The following ADCY2 variants were observed in gnomAD, a reference collection of about 807,000 sequenced individuals.
ADCY2 encodes the protein adenylate cyclase 2.
A neutral mutation model predicts 125.2 loss-of-function variants in ADCY2; 31 were observed. The ratio of observed to expected loss-of-function variants is 0.25; its 90% CI spans 0.19 to 0.33. The LOEUF (loss-of-function observed/expected upper bound fraction) is 0.33. Among genes scored for constraint, ADCY2 ranks in the 10% least tolerant of loss-of-function variants. ADCY2 has a pLI of 1.00. For synonymous variants in ADCY2, 512 were observed against 548.4 expected, an observed-to-expected ratio of 0.93 and a Z score of 0.93; for missense variants, 904 against 1,418.2, an observed-to-expected ratio of 0.64 and a Z score of 5.82.
At chr5:7,701,040 T>G (rs1484937227) in intron 7 of ADCY2, among the ~76,000 whole-genome samples, 1 of 152,212 alleles carries the variant, frequency 6.6e-6, no homozygotes, top group African/African-American at 2.4e-5. Context: ...TACTTTTAAT[T>G]CTATGGATCT....
intron 2 of ADCY2, among the ~76,000 whole-genome samples, chr5:7,475,468 G>A (rs1275894251): frequency 2.6e-5 from 4 of 151,746 alleles, no homozygotes; most frequent in South Asian, 2.1e-4. Context: ...TGCAACCTCC[G>A]TCCCCCGGGT....
intron 14 of ADCY2, among the ~76,000 whole-genome samples, chr5:7,739,583 T>G (rs1291858536): frequency 6.6e-6 from 1 of 151,648 alleles, no homozygotes; most frequent in African/African-American, 2.4e-5. Context: ...ATCAATAAAA[T>G]AGAAAACCAT....
chr5:7,780,467 G>A (rs111536934), intron 18 of ADCY2, among the ~76,000 whole-genome samples: 8 of 152,342 alleles, frequency 5.3e-5, no homozygotes, highest in African/African-American at 1.9e-4. Flanking sequence ...AGATAAAAGA[G>A]AGATTAGCTG....
In ADCY2 at chr5:7,396,827, C is replaced by T. The variant is rs1182377974; in HGVS notation, c.210+321C>T. ...CGCTGGCAAACTCTGCGCTTTCCGC[C>T]GGGCACCGCTGCCCGCAGCGCTGGA... On this transcript the variant is annotated intron_variant, in intron 1 of 24. Transcript: ENST00000338316. This position sits in a 1 kb window ranked among gnomAD's most constrained non-coding sequence, Gnocchi z 5.7. Among the ~76,000 whole-genome samples, 2 of 152,186 alleles carry T rather than the reference C, an allele frequency of 1.3e-5. No individual in the cohort carries two copies. Among genetic ancestry groups the T allele is most frequent in the African/African-American group, 4.8e-5 (2 of 41,458 alleles).
At chr5:7,561,756 G>A (rs1408555807) in intron 3 of ADCY2, among the ~76,000 whole-genome samples, 3 of 152,164 alleles carry the variant, frequency 2.0e-5, no homozygotes, top group Admixed American at 2.0e-4. Context: ...CTGTGTTGGG[G>A]ACTCATTCTG....
At chr5:7,404,539 A>G (rs1411427936) in intron 1 of ADCY2, among the ~76,000 whole-genome samples, 1 of 152,170 alleles carries the variant, frequency 6.6e-6, no homozygotes, top group East Asian at 1.9e-4. Context: ...CCCACAACAC[A>G]CTTCTTTCCT....
intron 3 of ADCY2, among the ~76,000 whole-genome samples, chr5:7,613,730 TCTA>T (rs1737654849): frequency 2.6e-5 from 4 of 152,206 alleles, no homozygotes; most frequent in Admixed American, 2.6e-4. Flanking sequence ...GCCTTGCTTC[TCTA>T]ATCACACAAT....
Position 7,826,717 on chromosome 5 carries a change from A to T in ADCY2, c.3124-2A>T, listed in dbSNP as rs1370138490. On this transcript the variant is annotated splice_acceptor_variant, in intron 24 of 24. Coordinates refer to ENST00000338316, the MANE Select transcript of ADCY2 (RefSeq NM_020546.3). LOFTEE classifies it high-confidence loss of function. ...GTTTTCCCGTGTTCCTGTGCCTTCT[A>T]GGTTACCGAGGAGACGAGCCTCGTC... 6.2e-7 allele frequency: 1 copy of T among 1,613,828 alleles called. No individual in the cohort carries two copies. The highest frequency in any genetic ancestry group is 2.2e-5 in the East Asian group (1 of 44,884).
At chr5:7,510,730 G>T (rs1315964183) in intron 2 of ADCY2, among the ~76,000 whole-genome samples, 1 of 152,222 alleles carries the variant, frequency 6.6e-6, no homozygotes, top group Non-Finnish European at 1.5e-5. Context: ...AAAGTCATGA[G>T]ACCCAGGTTA....
At chr5:7,624,135 C>A (rs953240405) in intron 3 of ADCY2, among the ~76,000 whole-genome samples, 5 of 152,150 alleles carry the variant, frequency 3.3e-5, no homozygotes, top group Non-Finnish European at 5.9e-5. Flanking sequence ...TCAGAGAGAA[C>A]CTCGTCACAT....
At chr5:7,740,795 G>A (rs909508368) in intron 14 of ADCY2, among the ~76,000 whole-genome samples, 1 of 151,906 alleles carries the variant, frequency 6.6e-6, no homozygotes. Context: ...AAAGGCTGTG[G>A]GATTTGGCAA....
chr5:7,538,084 G>C lies in ADCY2; in HGVS notation c.570+17185G>C, dbSNP rs190553680. On this transcript the variant is annotated intron_variant, in intron 3 of 24. Transcript: ENST00000338316. ...CTCTTTCCTGACTCCATCTACCCTG[G>C]GAGCTCCGTGAGGGAAGGAACTTTG... 1.1e-3 allele frequency among the ~76,000 whole-genome samples: 162 copies of C among 152,258 alleles called. 1 individual carries two copies. The highest frequency in any genetic ancestry group is 2.7e-3 in the Admixed American group (41 of 15,290).
chr5:7,681,793 G>GC (rs1392945197), intron 4 of ADCY2, among the ~76,000 whole-genome samples: 9 of 152,124 alleles, frequency 5.9e-5, no homozygotes, highest in African/African-American at 2.2e-4. Context: ...TTTAAAAAAA[G>GC]GGGGGCCATT....
At position 7,771,351 on chromosome 5, in the gene ADCY2, C is replaced by G. The variant is rs544344138; in HGVS notation, c.2215-1581C>G. On this transcript the variant is annotated intron_variant, in intron 17 of 24. Transcript: ENST00000338316. ...AGGCAGAAGAGTGGAGACTTGACAT[C>G]GGGCAATTGCAGCTAAGAAACTGTG... Among the ~76,000 whole-genome samples, 8 of 152,276 alleles carry G rather than the reference C, an allele frequency of 5.3e-5. 1 individual carries two copies. The highest frequency in any genetic ancestry group is 3.9e-4 in the Admixed American group (6 of 15,288).
At chr5:7,422,329 C>T (rs1339144616) in intron 2 of ADCY2, among the ~76,000 whole-genome samples, 1 of 152,092 alleles carries the variant, frequency 6.6e-6, no homozygotes, top group Non-Finnish European at 1.5e-5. Context: ...ATGTGAGCCA[C>T]CGTGCCCAGC....
At chr5:7,673,239 CAAAAAAAA>C (rs1197772883) in intron 4 of ADCY2, among the ~76,000 whole-genome samples, 1 of 5,228 alleles carries the variant, frequency 1.9e-4, no homozygotes, top group Non-Finnish European at 3.6e-4. Flanking sequence ...CTTGTCTCTC[CAAAAAAAA>C]AAAAAAAAAA....
chr5:7,540,484 T>A (rs1003115164), intron 3 of ADCY2, among the ~76,000 whole-genome samples: 6 of 152,186 alleles, frequency 3.9e-5, no homozygotes, highest in African/African-American at 1.2e-4. Context: ...CCCAAATGTG[T>A]CTGAACATCC....
intron 2 of ADCY2, among the ~76,000 whole-genome samples, chr5:7,478,683 G>GT (rs1348122100): frequency 1.3e-5 from 2 of 152,088 alleles, no homozygotes; most frequent in African/African-American, 4.8e-5. Flanking sequence ...ACACACTGAT[G>GT]TTTTTTTAAA....
At chr5:7,695,701 A>G in intron 5 of ADCY2, 51 bp from the exon 6 acceptor site, 1 of 1,145,724 alleles carries the variant, frequency 8.7e-7, no homozygotes, top group Non-Finnish European at 1.2e-6. Flanking sequence ...ACTTTCTTAA[A>G]AAATGTATAA....
Sources: gnomAD v4.1 joint callset for allele counts (sites outside exome capture counted in the v4.1 genomes callset) on GRCh38, gnomAD v4.1.1 for gene constraint, Gnocchi (gnomAD v3.1) non-coding constraint, MANE v1.5 for transcripts, NCBI Gene and HGNC (gene_info 2026-07-23, HGNC 2026-07-21) for gene names.